Variants in GABRB2 observed in about 807,000 individuals in gnomAD.
GABRB2 encodes gamma-aminobutyric acid receptor subunit beta-2.
A neutral mutation model predicts 54.7 loss-of-function variants in GABRB2; 16 were observed. That is an observed-to-expected ratio of 0.29 (90% confidence interval 0.20 to 0.44). The LOEUF is 0.44. Among genes scored for constraint, GABRB2 ranks in the 20% least tolerant of loss-of-function variants. The pLI, the probability that GABRB2 is intolerant of heterozygous loss-of-function variation, is 1.00. For synonymous variants in GABRB2, 244 were observed against 233.8 expected (o/e 1.04, Z -0.40); for missense variants, 355 against 644.0 (o/e 0.55, Z 4.86).
chr5:161,434,350 G>A (rs1171629443), intron 4 of GABRB2, among the ~76,000 whole-genome samples: 1 of 152,060 alleles, frequency 6.6e-6, no homozygotes, highest in Admixed American at 6.6e-5. Flanking sequence ...ACAAGTAAAT[G>A]CAAATTTGAT....
rs777351735 is a variant in GABRB2, at chr5:161,314,663, TTCTC to T, written c.1191+11701_1191+11704del. On this transcript the variant is annotated intron_variant, in intron 9 of 9. Coordinates refer to ENST00000393959, the MANE Select transcript of GABRB2 (RefSeq NM_001371727.1). Reference sequence around the variant, plus strand: ...CCCAAAGCTGTTCATGGAAAACAGTTTCTCTCTCTCTCTTTCTCTCTCCCCCCTC... The same window carrying T: ...CCCAAAGCTGTTCATGGAAAACAGTTTCTCTCTCTTTCTCTCTCCCCCCTC... Among the ~76,000 whole-genome samples, 80 of 151,718 alleles carry T rather than the reference TTCTC, an allele frequency of 5.3e-4. 1 individual carries two copies. Among genetic ancestry groups the T allele is most frequent in the Non-Finnish European group, 3.8e-4 (26 of 67,892 alleles).
chr5:161,410,963 A>C lies in GABRB2; in HGVS notation c.541+12T>G, dbSNP rs1309115603. ...CAGAGTCCAGTCTAGCTGGATTCTC[A>C]GAACGACTTACAGCTCTCAATTTCC... On this transcript the variant is annotated intron_variant, in intron 5 of 9. Coordinates refer to ENST00000393959, the MANE Select transcript of GABRB2 (RefSeq NM_001371727.1). The C allele has an allele frequency of 1.2e-6, 2 of 1,607,388 alleles. No individual in the cohort carries two copies. Among genetic ancestry groups the C allele is most frequent in the Non-Finnish European group, 1.7e-6 (2 of 1,174,244 alleles).
chr5:161,411,865 C>T (rs1277185171), intron 4 of GABRB2, among the ~76,000 whole-genome samples: 2 of 151,942 alleles, frequency 1.3e-5, no homozygotes, highest in African/African-American at 2.4e-5. Flanking sequence ...ATTAATGAGG[C>T]ATCATAGGAT....
chr5:161,488,055 TG>T (rs140780473), intron 3 of GABRB2, among the ~76,000 whole-genome samples: 1,592 of 151,932 alleles, frequency 0.01, 16 homozygotes, highest in Non-Finnish European at 0.017. Flanking sequence ...CAAGAATAAT[TG>T]ATCAGGTGAA....
chr5:161,376,874 G>A (rs1404101491), intron 5 of GABRB2, among the ~76,000 whole-genome samples: 2 of 152,006 alleles, frequency 1.3e-5, no homozygotes, highest in East Asian at 3.9e-4. Context: ...ATTTTAAAAT[G>A]TTTGAAAAGG....
intron 9 of GABRB2, among the ~76,000 whole-genome samples, chr5:161,309,208 A>G (rs1561602180): frequency 6.6e-6 from 1 of 152,236 alleles, no homozygotes; most frequent in Non-Finnish European, 1.5e-5. Context: ...ACACGAACAG[A>G]CACTTTTCAA....
intron 5 of GABRB2, among the ~76,000 whole-genome samples, chr5:161,392,143 C>T (rs1755842856): frequency 6.6e-6 from 1 of 152,144 alleles, no homozygotes; most frequent in African/African-American, 2.4e-5. Flanking sequence ...GGCCCCTTCT[C>T]ATCATGGCCT....
intron 5 of GABRB2, among the ~76,000 whole-genome samples, chr5:161,356,415 C>CTTA (rs1445365304): frequency 6.6e-6 from 1 of 152,120 alleles, no homozygotes; most frequent in Non-Finnish European, 1.5e-5. Flanking sequence ...TAGAGCCAAC[C>CTTA]TTATTGGGCA....
chr5:161,486,781 G>A (rs1203583190), intron 3 of GABRB2, among the ~76,000 whole-genome samples: 1 of 151,864 alleles, frequency 6.6e-6, no homozygotes, highest in South Asian at 2.1e-4. Flanking sequence ...TTTCAGAGAG[G>A]CTTCAGCTCA....
At chr5:161,342,625 C>T (rs1257785661) in intron 5 of GABRB2, among the ~76,000 whole-genome samples, 2 of 152,016 alleles carry the variant, frequency 1.3e-5, no homozygotes, top group Non-Finnish European at 2.9e-5. Context: ...AAAATACCCT[C>T]CCTGGTATAA....
intron 4 of GABRB2, 143 bp from the exon 5 acceptor site, chr5:161,411,200 C>T (rs1299618407): frequency 1.6e-6 from 1 of 619,002 alleles, no homozygotes; most frequent in East Asian, 2.8e-5. Context: ...TAACCATATT[C>T]CTTTATGAAT....
intron 4 of GABRB2, among the ~76,000 whole-genome samples, chr5:161,429,354 A>AAAAAAAAAAAAAAAAAAAAG (rs1561646885): frequency 6.7e-6 from 1 of 148,964 alleles, no homozygotes; most frequent in African/African-American, 2.5e-5. Context: ...TCAAAAAAAA[A>AAAAAAAAAAAAAAAAAAAAG]AAAAGAAAAA....
intron 9 of GABRB2, among the ~76,000 whole-genome samples, chr5:161,323,094 G>A (rs62381565): frequency 0.12 from 17,133 of 148,976 alleles, 1,326 homozygotes; most frequent in Non-Finnish European, 0.18. Context: ...GTGCGATCTC[G>A]TCTCACTGCA....
chr5:161,482,905 A>G (rs903916132), intron 3 of GABRB2, among the ~76,000 whole-genome samples: 1 of 152,060 alleles, frequency 6.6e-6, no homozygotes, highest in Non-Finnish European at 1.5e-5. Flanking sequence ...CTGTGCTAGG[A>G]TTTTACATAT....
At chr5:161,391,364 C>T (rs552223594) in intron 5 of GABRB2, among the ~76,000 whole-genome samples, 23 of 152,072 alleles carry the variant, frequency 1.5e-4, no homozygotes, top group Non-Finnish European at 2.9e-4. Flanking sequence ...GTCAATTTAA[C>T]GAGACAGGTT....
intron 3 of GABRB2, among the ~76,000 whole-genome samples, chr5:161,541,036 G>A (rs568395252): frequency 3.1e-4 from 47 of 152,196 alleles, no homozygotes; most frequent in African/African-American, 1.1e-3. Flanking sequence ...TGTAGAGACA[G>A]GGTTTCACCA....
rs1561608567 is a variant in GABRB2 at position 161,326,372 on chromosome 5, T to C, written c.1187A>G (p.Tyr396Cys). 1 of 1,613,474 alleles carries C rather than the reference T, an allele frequency of 6.2e-7. No individual in the cohort carries two copies. The highest frequency in any genetic ancestry group is 1.7e-5 in the Admixed American group (1 of 59,964). ...RRTTNYDFSL[Y>C]TMDPHENILL... ...ATTAAAAACTGGCTATCTAACCGTA[T>C]ACAGAGAGAAATCGTAATTGGTAGT... is the stretch of plus-strand genomic sequence containing the variant. The change falls in exon 9 of 10, where the codon TAT becomes TGT. Residue 396 changes from tyrosine to cysteine, a missense_variant. By Grantham distance (194) the Tyr-to-Cys change is radical. Transcript: ENST00000393959.
chr5:161,528,885 T>C (rs1033259145), intron 3 of GABRB2, among the ~76,000 whole-genome samples: 12 of 151,916 alleles, frequency 7.9e-5, no homozygotes, highest in Non-Finnish European at 1.8e-4. Context: ...TTTGAATTGA[T>C]CTTGAAATAC....
chr5:161,503,937 T>C (rs910156873), intron 3 of GABRB2, among the ~76,000 whole-genome samples: 1 of 151,984 alleles, frequency 6.6e-6, no homozygotes, highest in Middle Eastern at 3.2e-3. Flanking sequence ...GACTTCTACA[T>C]AAGGAACATC....
Sources: allele counts gnomAD v4.1 joint callset (sites outside exome capture counted in the v4.1 genomes callset), GRCh38; gene constraint gnomAD v4.1.1; transcripts MANE v1.5; gene names NCBI Gene and HGNC (gene_info 2026-07-23, HGNC 2026-07-21).